Variants in UNC79 observed in about 807,000 individuals in gnomAD.
The protein encoded by UNC79 is unc-79 subunit of NALCN channel complex.
A neutral mutation model predicts 283.1 loss-of-function variants in UNC79; 37 were observed. The observed-to-expected ratio is 0.13, with a 90% confidence interval of 0.10 to 0.17. The LOEUF (loss-of-function observed/expected upper bound fraction) is 0.17, where lower values mean the gene tolerates loss of function less well. UNC79 is among the 10% of genes least tolerant of loss of function. The pLI, the probability that UNC79 is intolerant of heterozygous loss-of-function variation, is 1.00. For synonymous variants in UNC79, 1,107 were observed against 1,200.2 expected (o/e 0.92, Z 1.61); for missense variants, 2,272 against 3,211.1 (o/e 0.71, Z 7.07).
At chr14:93,385,780 A>C (rs1408810572) in intron 1 of UNC79, among the ~76,000 whole-genome samples, 4 of 151,294 alleles carry the variant, frequency 2.6e-5, no homozygotes, top group Non-Finnish European at 5.9e-5. Flanking sequence ...CTGTCCCCAA[A>C]AAAAAAAAAA....
At chr14:93,347,259 C>T (rs753878513) in intron 1 of UNC79, 2 of 1,599,322 alleles carry the variant, frequency 1.3e-6, no homozygotes, top group Non-Finnish European at 1.7e-6. Context: ...TTTGTCTCAC[C>T]TGACGCGATA....
At chr14:93,499,194 A>T (rs1221351660) in intron 7 of UNC79, among the ~76,000 whole-genome samples, 2 of 152,212 alleles carry the variant, frequency 1.3e-5, no homozygotes, top group East Asian at 3.8e-4. Flanking sequence ...TAAATTTTTT[A>T]AAATGGGAAT....
intron 1 of UNC79, among the ~76,000 whole-genome samples, chr14:93,393,098 A>G (rs11851609): frequency 6.0e-4 from 92 of 152,318 alleles, no homozygotes; most frequent in African/African-American, 2.1e-3. Flanking sequence ...AGAGGGCAAG[A>G]GCCAGTGAGA....
chr14:93,585,362 C>T (rs927378640), intron 20 of UNC79, among the ~76,000 whole-genome samples: 2 of 152,210 alleles, frequency 1.3e-5, no homozygotes, highest in African/African-American at 2.4e-5. Flanking sequence ...TCTGTCGACA[C>T]GTGTTCAGAG....
rs116806003 is a variant in UNC79 at position 93,561,853 on chromosome 14, T to C, written c.1756-10041T>C. 8.2e-3 allele frequency among the ~76,000 whole-genome samples: 1,250 copies of C among 152,110 alleles called. 15 individuals carry two copies. Among genetic ancestry groups the C allele is most frequent in the African/African-American group, 0.029 (1,195 of 41,458 alleles). ...TGGCAGTATAAACAAGAGTAGGGCA[T>C]TTATGAGTAGTTGAGAACGGTGAAT... On this transcript the variant is annotated intron_variant, in intron 14 of 48. Transcript: ENST00000555664.
chr14:93,565,847 C>G (rs1177291960), intron 14 of UNC79, among the ~76,000 whole-genome samples: 1 of 152,176 alleles, frequency 6.6e-6, no homozygotes, highest in Non-Finnish European at 1.5e-5. Flanking sequence ...TCAGCTGTTT[C>G]AATCCATCCT....
intron 42 of UNC79, among the ~76,000 whole-genome samples, chr14:93,686,042 C>T (rs1485486889): frequency 6.6e-6 from 1 of 152,150 alleles, no homozygotes; most frequent in African/African-American, 2.4e-5. Flanking sequence ...AATTTGCAAG[C>T]GACTTGACTA....
At chr14:93,632,431 G>A (rs998992616) in intron 31 of UNC79, among the ~76,000 whole-genome samples, 5 of 152,178 alleles carry the variant, frequency 3.3e-5, no homozygotes, top group African/African-American at 4.8e-5. Flanking sequence ...TGGGTGTGGT[G>A]GCTCACGCCT....
chr14:93,506,797 T>G (rs1423282965), intron 7 of UNC79, among the ~76,000 whole-genome samples: 2 of 152,178 alleles, frequency 1.3e-5, no homozygotes, highest in Non-Finnish European at 2.9e-5. Context: ...AAGTATCAAA[T>G]GTACAGCTGG....
chr14:93,581,485 T>C (rs1000989838), intron 19 of UNC79, among the ~76,000 whole-genome samples: 3 of 95,366 alleles, frequency 3.1e-5, no homozygotes, highest in African/African-American at 1.6e-4. Context: ...TATTTGCATC[T>C]TTTTTTTTTT....
At position 93,597,568 on chromosome 14, in the gene UNC79, C is replaced by T. The variant is rs200215045; in HGVS notation, c.3372+28C>T. The T allele has an allele frequency of 1.4e-4, 230 of 1,597,772 alleles. 1 individual carries two copies. In the African/African-American group the frequency reaches 2.1e-3, roughly 15 times the overall value. ...GACATGTGATTTGTGTTATCTGCTC[C>T]GAAGGTGGTTTGTGTCAGCACTACT... On this transcript the variant is annotated intron_variant, in intron 24 of 48. Coordinates refer to ENST00000555664, the Ensembl canonical transcript of UNC79.
At chr14:93,429,577 T>A (rs758541898), upstream of UNC79, among the ~76,000 whole-genome samples, 3 of 152,236 alleles carry the variant, frequency 2.0e-5, no homozygotes, top group Non-Finnish European at 4.4e-5. Flanking sequence ...GTCCAAGATT[T>A]CACCTGAATA....
intron 38 of UNC79, 132 bp downstream of exon 41, chr14:93,655,539 T>A: frequency 9.3e-7 from 1 of 1,070,466 alleles, no homozygotes; most frequent in South Asian, 1.7e-5. Context: ...AGCCATGGAG[T>A]GAGGATGCTT....
rs2057717237 is a variant in UNC79 at position 93,474,966 on chromosome 14, G to A, written c.448+573G>A. 2.0e-5 allele frequency among the ~76,000 whole-genome samples: 3 copies of A among 152,174 alleles called. No individual in the cohort carries two copies. On this transcript the variant is annotated intron_variant, in intron 3 of 48. Transcript: ENST00000555664. The surrounding 1 kb of genome is among the most constrained non-coding windows in gnomAD (Gnocchi z 4.1). ...GATATAGTATATAGTGGCGCTGTAT[G>A]CTGTATTCAGCATATGGTATTAGTG...
At chr14:93,477,337 T>G (rs1000342542) in intron 3 of UNC79, among the ~76,000 whole-genome samples, 1 of 152,224 alleles carries the variant, frequency 6.6e-6, no homozygotes, top group Non-Finnish European at 1.5e-5. Context: ...ATGCATGTAA[T>G]GGATATTTAT....
intron 1 of UNC79, among the ~76,000 whole-genome samples, chr14:93,464,930 T>A (rs2057106950): frequency 6.6e-6 from 1 of 152,226 alleles, no homozygotes; most frequent in African/African-American, 2.4e-5. Flanking sequence ...AATTACTATT[T>A]GTCATGGACC....
intron 31 of UNC79, among the ~76,000 whole-genome samples, chr14:93,633,156 T>C (rs1005813322): frequency 2.0e-5 from 3 of 152,218 alleles, no homozygotes; most frequent in African/African-American, 4.8e-5. Flanking sequence ...CTTAAAGATG[T>C]GCTTTTCAAG....
chr14:93,563,228 G>A (rs1429493954), intron 14 of UNC79, among the ~76,000 whole-genome samples: 1 of 152,174 alleles, frequency 6.6e-6, no homozygotes, highest in African/African-American at 2.4e-5. Context: ...CTGCCATGAG[G>A]GACAGAAGTT....
At chr14:93,674,997 C>T (rs912036515) in intron 41 of UNC79, among the ~76,000 whole-genome samples, 55 of 152,276 alleles carry the variant, frequency 3.6e-4, no homozygotes, top group African/African-American at 1.3e-3. Flanking sequence ...AATCTCTTTC[C>T]GCACCAACCC....
Sources: gnomAD v4.1 joint callset for allele counts (sites outside exome capture counted in the v4.1 genomes callset) on GRCh38, gnomAD v4.1.1 for gene constraint, Gnocchi (gnomAD v3.1) non-coding constraint, MANE v1.5 for transcripts, NCBI Gene and HGNC (gene_info 2026-07-23, HGNC 2026-07-21) for gene names.